DLG2: variants seen among roughly 807,000 people sequenced by gnomAD.
DLG2 encodes discs large MAGUK scaffold protein 2.
Under a neutral mutation model 132.5 loss-of-function variants are expected in DLG2, and 45 were observed. That is an observed-to-expected ratio of 0.34 (90% CI 0.27 to 0.44). DLG2 has a LOEUF of 0.44. DLG2 is among the 20% of genes least tolerant of loss of function. The pLI is 1.00. For synonymous variants in DLG2, 424 were observed against 419.6 expected (o/e 1.01, Z -0.13); for missense variants, 1,045 against 1,196.9 (o/e 0.87, Z 1.87).
chr11:83,818,480 C>G (rs963768613), intron 17 of DLG2, among the ~76,000 whole-genome samples: 4 of 152,124 alleles, frequency 2.6e-5, no homozygotes, highest in African/African-American at 9.7e-5. Context: ...GGTGGACCTG[C>G]TTATTACTTC....
At chr11:84,540,851 C>T (rs2099366870) in intron 6 of DLG2, among the ~76,000 whole-genome samples, 1 of 152,132 alleles carries the variant, frequency 6.6e-6, no homozygotes, top group Admixed American at 6.5e-5. Flanking sequence ...CCATGGAATA[C>T]TATGCAGCCA....
chr11:84,432,417 G>A (rs940485059), intron 7 of DLG2, among the ~76,000 whole-genome samples: 1 of 152,168 alleles, frequency 6.6e-6, no homozygotes, highest in African/African-American at 2.4e-5. Context: ...ACTGTCTTGA[G>A]GACATTGGAG....
intron 3 of DLG2, chr11:85,469,610 A>C (rs1387410925): frequency 6.6e-6 from 1 of 152,218 alleles, no homozygotes; most frequent in Non-Finnish European, 1.5e-5. Context: ...GGCATCCTTC[A>C]GTTAAAGGAA....
chr11:83,502,781 A>T (rs1404555859), intron 21 of DLG2, among the ~76,000 whole-genome samples: 5 of 152,122 alleles, frequency 3.3e-5, no homozygotes, highest in African/African-American at 9.7e-5. Context: ...GTGTAAGGAA[A>T]TTACCCTCAC....
intron 6 of DLG2, among the ~76,000 whole-genome samples, chr11:84,680,061 C>G (rs986340581): frequency 1.3e-5 from 2 of 152,048 alleles, no homozygotes; most frequent in Non-Finnish European, 2.9e-5. Flanking sequence ...AATGTTAGAG[C>G]CATTTCCAAC....
At chr11:84,101,281 GT>G (rs2154182101) in intron 9 of DLG2, among the ~76,000 whole-genome samples, 1 of 152,186 alleles carries the variant, frequency 6.6e-6, no homozygotes, top group African/African-American at 2.4e-5. Flanking sequence ...GTGAGAAAGG[GT>G]ATGCCACACC....
At chr11:84,636,042 G>A (rs923089063) in intron 6 of DLG2, among the ~76,000 whole-genome samples, 1 of 152,212 alleles carries the variant, frequency 6.6e-6, no homozygotes, top group Non-Finnish European at 1.5e-5. Context: ...CATTGTTTGG[G>A]AGGAACCATG....
At chr11:84,770,541 A>C (rs1160889251) in intron 6 of DLG2, among the ~76,000 whole-genome samples, 1 of 152,074 alleles carries the variant, frequency 6.6e-6, no homozygotes, top group Non-Finnish European at 1.5e-5. Context: ...TCCCACTTTT[A>C]AGTGAGAGCA....
intron 18 of DLG2, among the ~76,000 whole-genome samples, chr11:83,768,128 C>T (rs2094219829): frequency 6.6e-6 from 1 of 152,152 alleles, no homozygotes; most frequent in Admixed American, 6.6e-5. Context: ...TCCTTCTTAG[C>T]CTTTTTCTTT....
At chr11:85,261,153 G>A (rs981246532) in intron 4 of DLG2, among the ~76,000 whole-genome samples, 4 of 152,136 alleles carry the variant, frequency 2.6e-5, no homozygotes, top group African/African-American at 9.7e-5. Flanking sequence ...AGCAGAGAAG[G>A]GGCTGTCTGC....
At chr11:83,769,557 C>T (rs1205896877) in intron 18 of DLG2, among the ~76,000 whole-genome samples, 2 of 146,212 alleles carry the variant, frequency 1.4e-5, no homozygotes, top group Admixed American at 1.4e-4. Flanking sequence ...ATGACTCTAG[C>T]TTCTTTTTTT....
intron 6 of DLG2, among the ~76,000 whole-genome samples, chr11:84,590,445 A>G (rs1273263780): frequency 6.6e-6 from 1 of 152,214 alleles, no homozygotes; most frequent in Admixed American, 6.5e-5. Flanking sequence ...AATTCCTGAC[A>G]GCGCCTTCAT....
At chr11:85,008,236 A>G (rs2058867351) in intron 6 of DLG2, among the ~76,000 whole-genome samples, 1 of 152,158 alleles carries the variant, frequency 6.6e-6, no homozygotes, top group Non-Finnish European at 1.5e-5. Flanking sequence ...ATCTGTGTAA[A>G]CTACTCCATG....
At chr11:84,368,594 G>A (rs1319507171) in intron 7 of DLG2, among the ~76,000 whole-genome samples, 3 of 152,102 alleles carry the variant, frequency 2.0e-5, no homozygotes, top group African/African-American at 7.2e-5. Context: ...TTAGATATTA[G>A]GAGTTCAGGC....
intron 9 of DLG2, among the ~76,000 whole-genome samples, chr11:84,122,249 G>T (rs527872121): frequency 2.6e-4 from 39 of 152,216 alleles, no homozygotes; most frequent in African/African-American, 8.9e-4. Flanking sequence ...GAATCCAGGA[G>T]GCAGAGGTTA....
chr11:84,913,226 A>G (rs1173038430), intron 6 of DLG2, among the ~76,000 whole-genome samples: 1 of 152,214 alleles, frequency 6.6e-6, no homozygotes, highest in Non-Finnish European at 1.5e-5. Flanking sequence ...ACCCCAGCTC[A>G]AAGCCATTAT....
intron 7 of DLG2, among the ~76,000 whole-genome samples, chr11:84,294,336 C>T (rs1262678400): frequency 6.6e-6 from 1 of 152,184 alleles, no homozygotes; most frequent in Non-Finnish European, 1.5e-5. Context: ...CAGTGGCTCA[C>T]ACCTGTAATC....
intron 6 of DLG2, among the ~76,000 whole-genome samples, chr11:84,583,186 T>C (rs2099520768): frequency 6.6e-6 from 1 of 152,200 alleles, no homozygotes; most frequent in African/African-American, 2.4e-5. Context: ...TAAGATAAGA[T>C]TGTTCTTAAG....
intron 2 of DLG2, among the ~76,000 whole-genome samples, chr11:85,599,639 AAAT>A (rs1030186118): frequency 6.6e-6 from 1 of 152,176 alleles, no homozygotes; most frequent in African/African-American, 2.4e-5. Context: ...AGCACACAGA[AAAT>A]AATCAAGTAA....
Sources: allele counts gnomAD v4.1 joint callset (sites outside exome capture counted in the v4.1 genomes callset), GRCh38; gene constraint gnomAD v4.1.1; transcripts MANE v1.5; gene names NCBI Gene and HGNC (gene_info 2026-07-23, HGNC 2026-07-21).